The following HDAC9 variants were observed in gnomAD, a reference collection of about 807,000 sequenced individuals.
The protein encoded by HDAC9 is MEF-2 interacting transcription repressor (MITR) protein.
HDAC9 carries 41 observed loss-of-function variants against 139.4 expected under a neutral mutation model. That is an observed-to-expected ratio of 0.29 (90% CI 0.23 to 0.38). HDAC9 has a LOEUF of 0.38. Ranked by LOEUF, HDAC9 falls within the 10% of genes least tolerant of loss-of-function variation. The pLI is 1.00. For synonymous variants in HDAC9, 517 were observed against 476.2 expected (o/e 1.09, Z -1.12); for missense variants, 1,147 against 1,297.0 (o/e 0.88, Z 1.78).
chr7:18,577,550 C>T (rs1029522390), intron 2 of HDAC9, among the ~76,000 whole-genome samples: 2 of 152,136 alleles, frequency 1.3e-5, no homozygotes, highest in Non-Finnish European at 1.5e-5. Flanking sequence ...ATTCTCAGAA[C>T]CTGATTACCT....
At chr7:18,346,119 A>G (rs1416026099) in intron 1 of HDAC9, among the ~76,000 whole-genome samples, 1 of 152,166 alleles carries the variant, frequency 6.6e-6, no homozygotes, top group South Asian at 2.1e-4. Context: ...ATTACAGATC[A>G]TTTTGCTAAA....
chr7:18,630,556 A>G (rs768942295), intron 7 of HDAC9, among the ~76,000 whole-genome samples: 3 of 152,086 alleles, frequency 2.0e-5, no homozygotes, highest in Non-Finnish European at 4.4e-5. Flanking sequence ...CTCCTATTCA[A>G]TCTGGACAAC....
In HDAC9 at chr7:18,251,186, G is replaced by A. The variant is rs146457236; in HGVS notation, c.25+88837G>A. Among the ~76,000 whole-genome samples the A allele has an allele frequency of 1.6e-3, 251 of 152,308 alleles. 2 individuals are homozygous for A. Among genetic ancestry groups the A allele is most frequent in the African/African-American group, 4.9e-3 (205 of 41,570 alleles). On this transcript the variant is annotated intron_variant, in intron 2 of 12. Transcript: ENST00000417496. ...GAATACCATGCATCTGTAGAAAGGAGTGAGATCATGTCCTTTGCAGGGACT... is the reference window on the plus strand; with the variant it reads ...GAATACCATGCATCTGTAGAAAGGAATGAGATCATGTCCTTTGCAGGGACT...
intron 2 of HDAC9, among the ~76,000 whole-genome samples, chr7:18,548,245 T>C (rs1461415995): frequency 6.6e-6 from 1 of 152,062 alleles, no homozygotes; most frequent in African/African-American, 2.4e-5. Context: ...CTTATATGGG[T>C]GTGGTTCGTG....
chr7:18,786,513 TCATG>T (rs1326688539), intron 16 of HDAC9, among the ~76,000 whole-genome samples: 3 of 105,880 alleles, frequency 2.8e-5, no homozygotes, highest in African/African-American at 1.1e-4. Flanking sequence ...TTCCTCTCTC[TCATG>T]TACTTTTTGC....
rs1248212739 is a variant in HDAC9, at chr7:18,723,448, A to T, written c.1732-4132A>T. ...TCCTTTGCTGTCTGTACAGTGCAGC[A>T]CAAGGACTGTTGCCTTTTGGTTGAG... On this transcript the variant is annotated intron_variant, in intron 12 of 25. Coordinates refer to ENST00000686413, the MANE Select transcript of HDAC9 (RefSeq NM_178425.4). 3.3e-5 allele frequency among the ~76,000 whole-genome samples: 5 copies of T among 152,198 alleles called. No individual in the cohort carries two copies. The East Asian group carries it at 5.8e-4, about 18-fold the overall frequency.
intron 16 of HDAC9, among the ~76,000 whole-genome samples, chr7:18,783,816 G>C (rs1037796641): frequency 3.9e-5 from 6 of 151,958 alleles, no homozygotes; most frequent in South Asian, 4.1e-4. Context: ...ATTTTTAAGT[G>C]AATTATTGTC....
chr7:18,835,267 G>A (rs1181762056), intron 19 of HDAC9, among the ~76,000 whole-genome samples, 200 bp from the exon 20 acceptor site: 4 of 152,128 alleles, frequency 2.6e-5, no homozygotes, highest in Non-Finnish European at 5.9e-5. Context: ...TGCATTAAAG[G>A]GTAATTTGCC....
chr7:18,764,970 C>A (rs141874152), intron 15 of HDAC9, among the ~76,000 whole-genome samples: 2 of 152,144 alleles, frequency 1.3e-5, no homozygotes, highest in Non-Finnish European at 2.9e-5. Flanking sequence ...TTTAAATACT[C>A]TAGACCCTGT....
chr7:18,564,967 AT>A (rs1821810729), intron 2 of HDAC9, among the ~76,000 whole-genome samples: 1 of 68,260 alleles, frequency 1.5e-5, no homozygotes, highest in Non-Finnish European at 2.6e-5. Flanking sequence ...TATTTTATTT[AT>A]TTATTTATTT....
chr7:18,867,691 C>G (rs1179159528), intron 21 of HDAC9, among the ~76,000 whole-genome samples: 1 of 152,072 alleles, frequency 6.6e-6, no homozygotes, highest in Non-Finnish European at 1.5e-5. Context: ...TTGGACTAAT[C>G]AAATTCATAT....
chr7:18,627,508 C>T (rs1842022661), intron 6 of HDAC9, among the ~76,000 whole-genome samples: 1 of 152,142 alleles, frequency 6.6e-6, no homozygotes, highest in South Asian at 2.1e-4. Flanking sequence ...TTTAAAAATA[C>T]ATGTGTACAT....
intron 22 of HDAC9, among the ~76,000 whole-genome samples, chr7:18,911,382 T>G (rs1327771013): frequency 6.6e-6 from 1 of 151,888 alleles, no homozygotes; most frequent in Non-Finnish European, 1.5e-5. Context: ...AATGTCTTCT[T>G]CATTTCTGAT....
intron 12 of HDAC9, among the ~76,000 whole-genome samples, chr7:18,680,698 G>T (rs558786619): frequency 3.0e-4 from 46 of 152,150 alleles, no homozygotes; most frequent in African/African-American, 1.1e-3. Flanking sequence ...GCCAGGCAGT[G>T]GCATATGGAA....
chr7:18,668,224 T>A, intron 12 of HDAC9: 1 of 917,072 alleles, frequency 1.1e-6, no homozygotes, highest in South Asian at 5.0e-5. Flanking sequence ...TTCCACATAA[T>A]GAAAGTCCTT....
chr7:18,513,579 C>T (rs1802242029), intron 2 of HDAC9, among the ~76,000 whole-genome samples: 1 of 152,126 alleles, frequency 6.6e-6, no homozygotes, highest in African/African-American at 2.4e-5. Flanking sequence ...CCCTTGAGAC[C>T]ATTATGTATT....
At chr7:18,891,422 A>G (rs2129269693) in intron 22 of HDAC9, among the ~76,000 whole-genome samples, 1 of 152,338 alleles carries the variant, frequency 6.6e-6, no homozygotes, top group South Asian at 2.1e-4. Context: ...GATGGTTATT[A>G]GAACTTTTCC....
intron 1 of HDAC9, among the ~76,000 whole-genome samples, chr7:18,474,206 G>A (rs1794940160): frequency 6.6e-6 from 1 of 151,892 alleles, no homozygotes; most frequent in Admixed American, 6.6e-5. Flanking sequence ...CAACAATGTG[G>A]CAAAATGTTA....
intron 13 of HDAC9, among the ~76,000 whole-genome samples, chr7:18,733,046 T>G (rs1382498439): frequency 6.8e-6 from 1 of 146,324 alleles, no homozygotes; most frequent in Admixed American, 6.7e-5. Context: ...CAGATATACA[T>G]ATATACATGT....
Sources: gnomAD v4.1 joint callset for allele counts (sites outside exome capture counted in the v4.1 genomes callset) on GRCh38, gnomAD v4.1.1 for gene constraint, MANE v1.5 for transcripts, NCBI Gene and HGNC (gene_info 2026-07-23, HGNC 2026-07-21) for gene names.